Variants in KCNT2 observed in about 807,000 individuals in gnomAD.
KCNT2 encodes potassium channel subfamily T member 2.
A neutral mutation model predicts 153.8 loss-of-function variants in KCNT2; 67 were observed. That is an observed-to-expected ratio of 0.44 (90% CI 0.36 to 0.53). The LOEUF (loss-of-function observed/expected upper bound fraction) is 0.53. KCNT2 is among the 20% of genes least tolerant of loss of function. The pLI, the probability that KCNT2 is intolerant of heterozygous loss-of-function variation, is 0.00. For missense variants in KCNT2, 975 were observed against 1,354.8 expected (o/e 0.72, Z 4.40); for synonymous variants, 500 against 458.8 (o/e 1.09, Z -1.15).
chr1:196,554,291 A>G (rs890446852), intron 1 of KCNT2, among the ~76,000 whole-genome samples: 6 of 151,220 alleles, frequency 4.0e-5, no homozygotes, highest in African/African-American at 1.5e-4. Flanking sequence ...GAGAAAAACT[A>G]AATAAATCAA....
At chr1:196,281,699 G>A (rs1659112874) in intron 24 of KCNT2, among the ~76,000 whole-genome samples, 1 of 151,770 alleles carries the variant, frequency 6.6e-6, no homozygotes, top group South Asian at 2.1e-4. Context: ...CGTTTTTGTG[G>A]ACAGTATAGT....
chr1:196,542,381 AGT>A (rs1656499292), intron 1 of KCNT2, among the ~76,000 whole-genome samples: 1 of 152,172 alleles, frequency 6.6e-6, no homozygotes, highest in Admixed American at 6.5e-5. Context: ...AAAACGTCAG[AGT>A]GTATTAATTT....
chr1:196,378,663 A>C (rs763817289), intron 13 of KCNT2, among the ~76,000 whole-genome samples: 9 of 149,592 alleles, frequency 6.0e-5, no homozygotes, highest in Non-Finnish European at 1.3e-4. Flanking sequence ...ATTATGTATT[A>C]TATATATTTA....
intron 19 of KCNT2, among the ~76,000 whole-genome samples, chr1:196,324,296 G>T (rs992508133): frequency 6.6e-6 from 1 of 151,846 alleles, no homozygotes; most frequent in African/African-American, 2.4e-5. Context: ...AAAAGTATGA[G>T]CAAGCAACAT....
chr1:196,494,558 C>A (rs7512135), intron 1 of KCNT2, among the ~76,000 whole-genome samples: 2,613 of 152,092 alleles, frequency 0.017, 79 homozygotes, highest in African/African-American at 0.059. Context: ...GCCACCATGC[C>A]GTGTTAGTCA....
At chr1:196,367,634 T>C (rs920705968) in intron 14 of KCNT2, among the ~76,000 whole-genome samples, 81 of 152,202 alleles carry the variant, frequency 5.3e-4, no homozygotes, top group African/African-American at 1.9e-3. Flanking sequence ...ATAGTTTCTT[T>C]GCTATGTATA....
At chr1:196,260,953 T>A (rs1444382389) in intron 25 of KCNT2, among the ~76,000 whole-genome samples, 2 of 151,888 alleles carry the variant, frequency 1.3e-5, no homozygotes, top group African/African-American at 4.8e-5. Context: ...TATATCCTTG[T>A]AAAATGATCC....
intron 13 of KCNT2, among the ~76,000 whole-genome samples, chr1:196,383,228 A>G (rs1669660707): frequency 6.6e-6 from 1 of 152,216 alleles, no homozygotes; most frequent in African/African-American, 2.4e-5. Flanking sequence ...AAAAGAAAGA[A>G]CAGGTCGTAA....
At chr1:196,320,837 T>G (rs1663236291) in intron 19 of KCNT2, among the ~76,000 whole-genome samples, 1 of 151,904 alleles carries the variant, frequency 6.6e-6, no homozygotes, top group Non-Finnish European at 1.5e-5. Context: ...TGTACCACAA[T>G]TCATTCTTAA....
chr1:196,539,962 C>G (rs1185667274), intron 1 of KCNT2, among the ~76,000 whole-genome samples: 1 of 151,828 alleles, frequency 6.6e-6, no homozygotes, highest in African/African-American at 2.4e-5. Context: ...CTTATATACT[C>G]TGAAATAATT....
chr1:196,336,537 A>G (rs1665053874), intron 16 of KCNT2, among the ~76,000 whole-genome samples: 1 of 152,096 alleles, frequency 6.6e-6, no homozygotes, highest in African/African-American at 2.4e-5. Context: ...TGTACTTTCA[A>G]CACAAGCTAC....
intron 1 of KCNT2, among the ~76,000 whole-genome samples, chr1:196,507,227 T>C (rs190253673): frequency 6.6e-6 from 1 of 152,222 alleles, no homozygotes; most frequent in Admixed American, 6.6e-5. Context: ...AAATTGATAA[T>C]GATATAGTTA....
chr1:196,519,910 A>C (rs1036495796), intron 1 of KCNT2, among the ~76,000 whole-genome samples: 8 of 152,144 alleles, frequency 5.3e-5, no homozygotes, highest in Non-Finnish European at 2.9e-5. Context: ...TATTCCAAAA[A>C]ATTGAAGAGA....
Position 196,451,897 on chromosome 1 carries a change from AT to A in KCNT2, c.638+13395del, listed in dbSNP as rs139691709. On this transcript the variant is annotated intron_variant, in intron 8 of 27. Transcript: ENST00000294725. ...TACATTATAAATATTCCCAAATAAA[AT>A]TTTGGAATGCTATTACACTTTTCCT... 7.2e-4 allele frequency among the ~76,000 whole-genome samples: 109 copies of A among 151,996 alleles called. 1 individual carries two copies. The East Asian group carries it at 0.018, about 25-fold the overall frequency.
intron 1 of KCNT2, among the ~76,000 whole-genome samples, chr1:196,587,739 C>T (rs1236897666): frequency 6.6e-6 from 1 of 151,918 alleles, no homozygotes; most frequent in Non-Finnish European, 1.5e-5. Context: ...AAAAATAACC[C>T]ATAGAGTATG....
chr1:196,329,711 T>C (rs1024119243), intron 18 of KCNT2, among the ~76,000 whole-genome samples: 1 of 149,986 alleles, frequency 6.7e-6, no homozygotes, highest in Non-Finnish European at 1.5e-5. Flanking sequence ...TTACTGAAAA[T>C]ACATAGCTTG....
intron 13 of KCNT2, among the ~76,000 whole-genome samples, chr1:196,386,380 CTAAT>C (rs1669987918): frequency 6.6e-6 from 1 of 152,094 alleles, no homozygotes; most frequent in Non-Finnish European, 1.5e-5. Context: ...CAATATGTAA[CTAAT>C]ATACTAGCTT....
intron 1 of KCNT2, among the ~76,000 whole-genome samples, chr1:196,601,231 C>T (rs553143613): frequency 1.3e-5 from 2 of 152,310 alleles, no homozygotes; most frequent in South Asian, 4.1e-4. Flanking sequence ...GATCTCAACA[C>T]AGATTTCTTT....
At position 196,287,806 on chromosome 1, in the gene KCNT2, T is replaced by A. The variant is rs998406520; in HGVS notation, c.2596-2048A>T. ...GAACTAACAGTATCTTATCAGTTAA[T>A]AGAAGTATTATGTGTTGAATATGGG... On this transcript the variant is annotated intron_variant, in intron 22 of 27. Transcript: ENST00000294725. Among the ~76,000 whole-genome samples the A allele has an allele frequency of 4.6e-5, 7 of 152,098 alleles. 1 individual carries two copies. The highest frequency in any genetic ancestry group is 4.6e-4 in the Admixed American group (7 of 15,244).
Sources: gnomAD v4.1 joint callset for allele counts (sites outside exome capture counted in the v4.1 genomes callset) on GRCh38, gnomAD v4.1.1 for gene constraint, MANE v1.5 for transcripts, NCBI Gene and HGNC (gene_info 2026-07-23, HGNC 2026-07-21) for gene names.